The following UBE2O variants were observed in gnomAD, a reference collection of about 807,000 sequenced individuals.
UBE2O encodes (E3-independent) E2 ubiquitin-conjugating enzyme.
Under a neutral mutation model 125.8 loss-of-function variants are expected in UBE2O, and 15 were observed. The observed-to-expected ratio is 0.12, with a 90% CI of 0.08 to 0.18. The LOEUF (loss-of-function observed/expected upper bound fraction) is 0.18. Ranked by LOEUF, UBE2O falls within the 10% of genes least tolerant of loss-of-function variation. The pLI is 1.00. For missense variants in UBE2O, 1,280 were observed against 1,723.6 expected, an observed-to-expected ratio of 0.74 and a Z score of 4.56; for synonymous variants, 708 against 703.2, an observed-to-expected ratio of 1.01 and a Z score of -0.11.
At chr17:76,414,637 C>T (rs2072569667) in intron 1 of UBE2O, among the ~76,000 whole-genome samples, 1 of 152,224 alleles carries the variant, frequency 6.6e-6, no homozygotes, top group South Asian at 2.1e-4. Flanking sequence ...CTGCAGCTCG[C>T]CAGCTTGCTG....
At chr17:76,448,251 C>T (rs1168354932) in intron 1 of UBE2O, among the ~76,000 whole-genome samples, 1 of 152,238 alleles carries the variant, frequency 6.6e-6, no homozygotes, top group African/African-American at 2.4e-5. Flanking sequence ...TAAGAGTCTA[C>T]AAGTGCTGTG....
chr17:76,431,704 A>G, intron 1 of UBE2O, among the ~76,000 whole-genome samples: 1 of 152,212 alleles, frequency 6.6e-6, no homozygotes, highest in East Asian at 1.9e-4. Flanking sequence ...GGAGCTGGGA[A>G]GCCCAGCGGG....
intron 1 of UBE2O, among the ~76,000 whole-genome samples, chr17:76,440,349 G>A (rs116987939): frequency 0.019 from 2,938 of 152,146 alleles, 84 homozygotes; most frequent in South Asian, 0.089. Context: ...TTTGAGACAG[G>A]GTCTTGCTCT....
At chr17:76,445,530 C>T (rs1316658686) in intron 1 of UBE2O, among the ~76,000 whole-genome samples, 1 of 152,226 alleles carries the variant, frequency 6.6e-6, no homozygotes, top group Middle Eastern at 3.4e-3. Context: ...ATGTTTAAAC[C>T]ATAAAAATGT....
chr17:76,399,382 G>A lies in UBE2O; in HGVS notation c.1628+67C>T, dbSNP rs1243480031. 2.6e-5 allele frequency: 38 copies of A among 1,482,632 alleles called. No homozygotes were observed. Among genetic ancestry groups the A allele is most frequent in the South Asian group, 2.5e-4 (20 of 81,234 alleles). 91.8% of individuals were successfully genotyped at this position (1,482,632 alleles called of 1,614,324 possible). ...GTGTGCGAGCGCAGGCACGCACACC[G>A]AGGGGACGCGCACTCTGCCTGGCTT... is the stretch of plus-strand genomic sequence containing the variant. On this transcript the variant is annotated intron_variant, in intron 9 of 17. Coordinates refer to ENST00000319380, the MANE Select transcript of UBE2O (RefSeq NM_022066.4). This position sits in a 1 kb window ranked among gnomAD's most constrained non-coding sequence, Gnocchi z 6.9.
intron 1 of UBE2O, among the ~76,000 whole-genome samples, chr17:76,438,592 C>G (rs2073034387): frequency 6.6e-6 from 1 of 152,190 alleles, no homozygotes; most frequent in African/African-American, 2.4e-5. Flanking sequence ...CTCTCTACCT[C>G]ACTACTCTAA....
At chr17:76,393,925 G>C (rs895473503) in intron 15 of UBE2O, among the ~76,000 whole-genome samples, 1 of 152,188 alleles carries the variant, frequency 6.6e-6, no homozygotes, top group Non-Finnish European at 1.5e-5. Context: ...GAGCCTCCAG[G>C]GAATGCACTA....
chr17:76,446,673 A>G (rs547581930), intron 1 of UBE2O, among the ~76,000 whole-genome samples: 3 of 152,192 alleles, frequency 2.0e-5, no homozygotes, highest in Admixed American at 6.5e-5. Flanking sequence ...GAAGGATGAC[A>G]GCAGCAGAGC....
chr17:76,429,375 T>G (rs1274049068), intron 1 of UBE2O, among the ~76,000 whole-genome samples: 1 of 151,002 alleles, frequency 6.6e-6, no homozygotes, highest in Non-Finnish European at 1.5e-5. Context: ...AACCCCATCT[T>G]GACAAAAAAC....
intron 1 of UBE2O, among the ~76,000 whole-genome samples, chr17:76,409,321 GGACAA>G (rs1161866310): frequency 6.6e-6 from 1 of 152,084 alleles, no homozygotes; most frequent in African/African-American, 2.4e-5. Flanking sequence ...AACAGAAAAA[GGACAA>G]GACAAGATGC....
At chr17:76,415,981 A>G (rs1320411544) in intron 1 of UBE2O, among the ~76,000 whole-genome samples, 2 of 152,012 alleles carry the variant, frequency 1.3e-5, no homozygotes, top group African/African-American at 2.4e-5. Context: ...ATGCGTATAC[A>G]TATGCACATA....
At chr17:76,430,450 G>GCC (rs1363843463) in intron 1 of UBE2O, 3 of 242,320 alleles carry the variant, frequency 1.2e-5, no homozygotes, top group Non-Finnish European at 2.4e-5. Context: ...TGTGGATCTG[G>GCC]CCCTCCCTGT....
chr17:76,435,344 GT>G (rs1395835113), intron 1 of UBE2O, among the ~76,000 whole-genome samples: 2 of 150,942 alleles, frequency 1.3e-5, no homozygotes, highest in Admixed American at 1.3e-4. Flanking sequence ...CTACATATTT[GT>G]TTAAACCTTT....
At position 76,395,578 on chromosome 17, in the gene UBE2O, T is replaced by C. The variant is rs1269223282; in HGVS notation, c.2946+147A>G. Reference sequence around the variant, plus strand: ...GAGTCAGCCCTCACCTGACTGAGCCTGTGACCGCCCCTGTAAAAGGTGGGT... The same window carrying C: ...GAGTCAGCCCTCACCTGACTGAGCCCGTGACCGCCCCTGTAAAAGGTGGGT... On this transcript the variant is annotated intron_variant, in intron 15 of 17. Transcript: ENST00000319380. This position sits in a 1 kb window ranked among gnomAD's most constrained non-coding sequence, Gnocchi z 5.0. 4.4e-6 allele frequency: 4 copies of C among 911,340 alleles called. No individual in the cohort carries two copies. Among genetic ancestry groups the C allele is most frequent in the East Asian group, 5.0e-5 (2 of 40,058 alleles). The allele number at this position is 911,340 out of a possible 1,614,324, so 56.5% of individuals were successfully genotyped here. A position where few individuals can be genotyped will look rare whatever the true frequency, so the allele number is the denominator to read the frequency against.
rs1490833059 is a variant in UBE2O, at chr17:76,410,469, C to T, written c.418-4897G>A. ...TCAACGAAGAATGGCGTGGCCAACG[C>T]ACCCGCAGTGCCACAGCTGAGAAGC... On this transcript the variant is annotated intron_variant, in intron 1 of 17. Coordinates refer to ENST00000319380, the MANE Select transcript of UBE2O (RefSeq NM_022066.4). This position sits in a 1 kb window ranked among gnomAD's most constrained non-coding sequence, Gnocchi z 4.0. 6.6e-6 allele frequency among the ~76,000 whole-genome samples: 1 copy of T among 152,136 alleles called. No homozygotes were observed. The highest frequency in any genetic ancestry group is 2.4e-5 in the African/African-American group (1 of 41,432).
chr17:76,402,490 G>T lies in UBE2O; in HGVS notation c.686+112C>A, dbSNP rs2143716697. 2 of 919,658 alleles carry T rather than the reference G, an allele frequency of 2.2e-6. No individual in the cohort carries two copies. Among genetic ancestry groups the T allele is most frequent in the Non-Finnish European group, 3.6e-6 (2 of 562,326 alleles). The allele number at this position is 919,658 out of a possible 1,614,324, so 57.0% of individuals were successfully genotyped here. ...CTGGATGCCTGCAACATCTGTCACT[G>T]CCCTTGATCAAACCTGTCATCACTG... On this transcript the variant is annotated intron_variant, in intron 4 of 17. Coordinates refer to ENST00000319380, the MANE Select transcript of UBE2O (RefSeq NM_022066.4). This position sits in a 1 kb window ranked among gnomAD's most constrained non-coding sequence, Gnocchi z 5.4.
rs553260402 is a variant in UBE2O at position 76,395,188 on chromosome 17, AT to A, written c.2946+536del. On this transcript the variant is annotated intron_variant, in intron 15 of 17. Coordinates refer to ENST00000319380, the MANE Select transcript of UBE2O (RefSeq NM_022066.4). The surrounding 1 kb of genome is among the most constrained non-coding windows in gnomAD (Gnocchi z 5.0). ...ACCGCACCCGGCCTATTTCAAAGTA[AT>A]TTTTTTTTTTGAGACAGAATCTCGC... Among the ~76,000 whole-genome samples the A allele has an allele frequency of 2.1e-4, 27 of 130,464 alleles. No homozygotes were observed. The highest frequency in any genetic ancestry group is 4.7e-4 in the Admixed American group (6 of 12,634). The allele number at this position is 130,464 out of a possible 152,430, so 85.6% of individuals were successfully genotyped here. A position where few individuals can be genotyped will look rare whatever the true frequency, so the allele number is the denominator to read the frequency against.
At chr17:76,444,867 G>A (rs904991185) in intron 1 of UBE2O, among the ~76,000 whole-genome samples, 4 of 152,196 alleles carry the variant, frequency 2.6e-5, no homozygotes, top group Non-Finnish European at 5.9e-5. Flanking sequence ...TTTCAGCACT[G>A]CATATGTCAA....
intron 1 of UBE2O, among the ~76,000 whole-genome samples, chr17:76,424,724 C>A (rs1379603503): frequency 6.6e-6 from 1 of 151,842 alleles, no homozygotes; most frequent in Non-Finnish European, 1.5e-5. Context: ...AAAAAAATGG[C>A]AGCAGGATCC....
Sources: gnomAD v4.1 joint callset for allele counts (sites outside exome capture counted in the v4.1 genomes callset) on GRCh38, gnomAD v4.1.1 for gene constraint, Gnocchi (gnomAD v3.1) non-coding constraint, MANE v1.5 for transcripts, NCBI Gene and HGNC (gene_info 2026-07-23, HGNC 2026-07-21) for gene names.